Variants in AGMO observed in about 807,000 individuals in gnomAD.
AGMO encodes the protein glyceryl-ether monooxygenase.
In AGMO, 75 loss-of-function variants were observed where a neutral mutation model predicts 60.2. That is an observed-to-expected ratio of 1.25 (90% CI 1.03 to 1.51). AGMO has a LOEUF of 1.51. Among genes scored for constraint, AGMO ranks in the 40% most tolerant of loss-of-function variants. The pLI, the probability that AGMO is intolerant of heterozygous loss-of-function variation, is 0.00. For missense variants in AGMO, 763 were observed against 525.5 expected (o/e 1.45, Z -4.42); for synonymous variants, 261 against 177.1 (o/e 1.47, Z -3.76).
chr7:15,154,743 T>C, the AGMO span, among the ~76,000 whole-genome samples: 1 of 152,210 alleles, frequency 6.6e-6, no homozygotes, highest in African/African-American at 2.4e-5. Flanking sequence ...TATTCATCTT[T>C]TGTTTGTATG....
chr7:15,326,871 C>T (rs931537379), intron 12 of AGMO, among the ~76,000 whole-genome samples: 2 of 152,040 alleles, frequency 1.3e-5, no homozygotes, highest in Non-Finnish European at 2.9e-5. Context: ...ATTAAACTTC[C>T]AGAAATTATC....
At chr7:15,223,674 T>C (rs1242125051) in intron 12 of AGMO, among the ~76,000 whole-genome samples, 1 of 152,002 alleles carries the variant, frequency 6.6e-6, no homozygotes, top group Non-Finnish European at 1.5e-5. Flanking sequence ...CTCTGCTACA[T>C]GAAGAAGTCT....
At chr7:15,340,075 T>A (rs1419884142) in intron 12 of AGMO, among the ~76,000 whole-genome samples, 1 of 152,200 alleles carries the variant, frequency 6.6e-6, no homozygotes, top group African/African-American at 2.4e-5. Flanking sequence ...TTTCCGATTT[T>A]TTTGGATTTG....
intron 5 of AGMO, chr7:15,396,117 A>G (rs1313111557): frequency 1.3e-5 from 2 of 152,220 alleles, no homozygotes. Flanking sequence ...TTCAGAACGG[A>G]CAGAAATATT....
At chr7:15,306,964 G>A (rs1020502697) in intron 12 of AGMO, among the ~76,000 whole-genome samples, 1 of 151,572 alleles carries the variant, frequency 6.6e-6, no homozygotes, top group African/African-American at 2.4e-5. Flanking sequence ...AAAGCATACT[G>A]AATTTTGGTG....
chr7:15,452,057 G>A (rs62438752), intron 3 of AGMO, among the ~76,000 whole-genome samples: 1,962 of 152,148 alleles, frequency 0.013, 15 homozygotes, highest in Non-Finnish European at 0.017. Flanking sequence ...TCATCTACAA[G>A]GATTCAAATA....
chr7:15,138,538 C>T, the AGMO span, among the ~76,000 whole-genome samples: 1 of 152,254 alleles, frequency 6.6e-6, no homozygotes, highest in African/African-American at 2.4e-5. Context: ...AGAAAAATAT[C>T]CTGCCCAAAA....
rs559007780 is a variant in AGMO at position 15,510,333 on chromosome 7, G to GT, written c.409+34438dup. 1.2e-4 allele frequency among the ~76,000 whole-genome samples: 18 copies of GT among 151,602 alleles called. 1 individual carries two copies. The highest frequency in any genetic ancestry group is 1.9e-4 in the Non-Finnish European group (13 of 67,850). ...GGCATGCACCACCATGCCTAGCTAA[G>GT]TTTTTTTTGTTTTGTTTTGTTTTTA... is the stretch of plus-strand genomic sequence containing the variant. On this transcript the variant is annotated intron_variant, in intron 3 of 12. Coordinates refer to ENST00000342526, the MANE Select transcript of AGMO (RefSeq NM_001004320.2).
chr7:15,262,802 G>A (rs1253268044), intron 12 of AGMO, among the ~76,000 whole-genome samples: 3 of 151,860 alleles, frequency 2.0e-5, no homozygotes, highest in African/African-American at 7.3e-5. Context: ...ACTGATCTTC[G>A]ACAAAGCATA....
intron 12 of AGMO, among the ~76,000 whole-genome samples, chr7:15,271,637 T>C (rs559565109): frequency 3.9e-5 from 6 of 152,318 alleles, no homozygotes; most frequent in African/African-American, 1.4e-4. Flanking sequence ...CTTTCTCTTT[T>C]TCAATTTGGA....
At chr7:15,376,639 T>TTTTTGTGTG (rs1491319094) in intron 10 of AGMO, among the ~76,000 whole-genome samples, 1 of 152,072 alleles carries the variant, frequency 6.6e-6, no homozygotes, top group Non-Finnish European at 1.5e-5. Flanking sequence ...ATTCAAACTG[T>TTTTTGTGTG]TTTTTGTGTG....
At chr7:15,372,515 G>A (rs777272659) in intron 10 of AGMO, among the ~76,000 whole-genome samples, 39 of 152,072 alleles carry the variant, frequency 2.6e-4, no homozygotes, top group Non-Finnish European at 4.0e-4. Flanking sequence ...TTGAATATGT[G>A]CTGGGCACTA....
Position 15,322,593 on chromosome 7 carries a change from AAT to A in AGMO, c.1263+42919_1263+42920del, listed in dbSNP as rs1182851054. 7.9e-5 allele frequency among the ~76,000 whole-genome samples: 2 copies of A among 25,172 alleles called. 1 individual carries two copies. Among genetic ancestry groups the A allele is most frequent in the African/African-American group, 4.1e-4 (2 of 4,856 alleles). The allele number at this position is 25,172 out of a possible 152,430, so 16.5% of individuals were successfully genotyped here. A position where few individuals can be genotyped will look rare whatever the true frequency, so the allele number is the denominator to read the frequency against. ...ATATATAAATATATATAAATATATA[AAT>A]ATATATAAATATATATAAATATATA... On this transcript the variant is annotated intron_variant, in intron 12 of 12. Transcript: ENST00000342526.
intron 12 of AGMO, among the ~76,000 whole-genome samples, chr7:15,258,619 T>A (rs970678087): frequency 9.3e-5 from 14 of 151,198 alleles, no homozygotes; most frequent in Non-Finnish European, 1.9e-4. Flanking sequence ...CCAAGCAACA[T>A]AAAACCAGTG....
At chr7:15,372,154 T>A (rs1278741199) in intron 10 of AGMO, among the ~76,000 whole-genome samples, 1 of 101,708 alleles carries the variant, frequency 9.8e-6, no homozygotes, top group Admixed American at 9.6e-5. Flanking sequence ...TGAACGTCTC[T>A]AAAGTCTAAC....
intron 3 of AGMO, among the ~76,000 whole-genome samples, chr7:15,481,295 G>C (rs1362114164): frequency 1.3e-5 from 2 of 152,104 alleles, no homozygotes; most frequent in Non-Finnish European, 2.9e-5. Context: ...CGGAATCTTT[G>C]TCAGTAGGAA....
At chr7:15,538,522 T>C (rs1378689523) in intron 3 of AGMO, among the ~76,000 whole-genome samples, 1 of 152,078 alleles carries the variant, frequency 6.6e-6, no homozygotes, top group Non-Finnish European at 1.5e-5. Flanking sequence ...AGATTACAGG[T>C]ATGAGCCAGC....
the AGMO span, among the ~76,000 whole-genome samples, chr7:15,192,762 C>A: frequency 3.2e-3 from 491 of 152,264 alleles, 2 homozygotes; most frequent in Non-Finnish European, 3.9e-3. Context: ...GCTCCTGCAC[C>A]TGTCCATTTG....
intron 10 of AGMO, among the ~76,000 whole-genome samples, chr7:15,371,273 T>G (rs539417857): frequency 6.6e-6 from 1 of 152,162 alleles, no homozygotes; most frequent in Non-Finnish European, 1.5e-5. Flanking sequence ...AGGTTTGTAG[T>G]GTAATGGCAC....
Sources: gnomAD v4.1 joint callset for allele counts (sites outside exome capture counted in the v4.1 genomes callset) on GRCh38, gnomAD v4.1.1 for gene constraint, MANE v1.5 for transcripts, NCBI Gene and HGNC (gene_info 2026-07-23, HGNC 2026-07-21) for gene names.